The following NMT2 variants were observed in gnomAD, a reference collection of about 807,000 sequenced individuals.
The protein encoded by NMT2 is glycylpeptide N-tetradecanoyltransferase 2.
NMT2 carries 35 observed loss-of-function variants against 65.4 expected under a neutral mutation model. The observed-to-expected ratio is 0.54, with a 90% confidence interval of 0.41 to 0.71. The LOEUF is 0.71. NMT2 is among the 30% of genes least tolerant of loss of function. NMT2 has a pLI of 0.00. For synonymous variants in NMT2, 226 were observed against 231.8 expected (o/e 0.98, Z 0.23); for missense variants, 489 against 611.3 (o/e 0.80, Z 2.11).
At chr10:15,156,423 C>T (rs1833000648) in intron 1 of NMT2, among the ~76,000 whole-genome samples, 2 of 152,220 alleles carry the variant, frequency 1.3e-5, no homozygotes, top group African/African-American at 4.8e-5. Context: ...AATTAAACCT[C>T]TTCCTTTAAA....
chr10:15,139,519 C>T (rs1846653329), intron 2 of NMT2, among the ~76,000 whole-genome samples: 1 of 151,956 alleles, frequency 6.6e-6, no homozygotes, highest in African/African-American at 2.4e-5. Context: ...AGGGATGCCA[C>T]GTTTATCTGA....
chr10:15,137,191 G>T (rs10796258), intron 2 of NMT2, among the ~76,000 whole-genome samples: 57,832 of 151,856 alleles, frequency 0.38, 14,017 homozygotes, highest in African/African-American at 0.7. Context: ...CTTACTCATC[G>T]TACACAGCAC....
chr10:15,156,318 C>G (rs1161086443), intron 1 of NMT2, among the ~76,000 whole-genome samples: 1 of 152,150 alleles, frequency 6.6e-6, no homozygotes, highest in Admixed American at 6.5e-5. Flanking sequence ...ATTCTTCTCT[C>G]TCCTGCCACC....
At chr10:15,161,097 A>C (rs1833177139) in intron 1 of NMT2, among the ~76,000 whole-genome samples, 1 of 149,596 alleles carries the variant, frequency 6.7e-6, no homozygotes, top group African/African-American at 2.4e-5. Context: ...AAAAAAAAAA[A>C]AAAAAAAAAA....
At chr10:15,120,629 C>T (rs1564564206) in intron 8 of NMT2, among the ~76,000 whole-genome samples, 1 of 152,150 alleles carries the variant, frequency 6.6e-6, no homozygotes, top group Non-Finnish European at 1.5e-5. Flanking sequence ...CCAAGTCTGA[C>T]ATTTTGAAAA....
chr10:15,168,550 C>T lies in NMT2; in HGVS notation c.63G>A (p.Thr21=), dbSNP rs1273254012. 1.3e-6 allele frequency: 2 copies of T among 1,594,930 alleles called. No individual in the cohort carries two copies. The highest frequency in any genetic ancestry group is 1.7e-4 in the Middle Eastern group (1 of 6,004). The change falls in exon 1 of 12, where the codon ACG becomes ACA. Residue 21 remains threonine (T), a synonymous_variant. Coordinates refer to ENST00000378165, the MANE Select transcript of NMT2 (RefSeq NM_004808.3). ...QQSLELDDQD[T]CGIDGDNEEE... ...CCTCATTGTCCCCGTCTATCCCGCA[C>T]GTGTCCTGGTCGTCCAGTTCCAGGC...
In NMT2 at chr10:15,132,785, T is replaced by C. The variant is rs202089424; in HGVS notation, c.719+32A>G. The stretch of plus-strand genomic sequence containing the variant: ...TTGTAATTCTTAGAAAATAAACATA[T>C]AAAAACCGCATGGACGAGCTTAAAC... On this transcript the variant is annotated intron_variant, in intron 6 of 11. Coordinates refer to ENST00000378165, the MANE Select transcript of NMT2 (RefSeq NM_004808.3). 112 of 1,461,770 alleles carry C rather than the reference T, an allele frequency of 7.7e-5. No homozygotes were observed. In the Middle Eastern group the frequency reaches 8.8e-4, roughly 12 times the overall value. 90.5% of individuals were successfully genotyped at this position (1,461,770 alleles called of 1,614,324 possible).
At chr10:15,111,671 A>G (rs1445954867) in intron 10 of NMT2, 1 of 151,906 alleles carries the variant, frequency 6.6e-6, no homozygotes, top group Non-Finnish European at 1.5e-5. Flanking sequence ...AGCACTTTTT[A>G]TTTTTATTTC....
At chr10:15,126,542 C>T (rs970644346) in intron 8 of NMT2, among the ~76,000 whole-genome samples, 1 of 152,196 alleles carries the variant, frequency 6.6e-6, no homozygotes, top group Admixed American at 6.5e-5. Flanking sequence ...GACTCTCTCT[C>T]TCACTGGCTT....
At chr10:15,131,667 T>C (rs1238283651) in intron 6 of NMT2, among the ~76,000 whole-genome samples, 1 of 152,162 alleles carries the variant, frequency 6.6e-6, no homozygotes, top group African/African-American at 2.4e-5. Context: ...CACACTTCAT[T>C]TGGCACAAAA....
intron 10 of NMT2, among the ~76,000 whole-genome samples, chr10:15,111,043 T>G (rs1845495561): frequency 6.6e-6 from 1 of 151,934 alleles, no homozygotes. Context: ...CCACCTGCCT[T>G]GGCCTTCCAA....
At chr10:15,167,191 AAT>A (rs1010135247) in intron 1 of NMT2, among the ~76,000 whole-genome samples, 9 of 146,078 alleles carry the variant, frequency 6.2e-5, no homozygotes, top group Non-Finnish European at 4.5e-5. Flanking sequence ...TAAAAAAAAA[AAT>A]ATTCTAGACT....
intron 1 of NMT2, among the ~76,000 whole-genome samples, chr10:15,150,461 C>G (rs1832763450): frequency 1.3e-5 from 2 of 152,174 alleles, no homozygotes; most frequent in Admixed American, 1.3e-4. Flanking sequence ...TAGCTGTCAT[C>G]ATCTGGCTGC....
intron 1 of NMT2, 107 bp downstream of exon 1, chr10:15,168,396 G>T: frequency 2.5e-6 from 2 of 796,872 alleles, no homozygotes; most frequent in Non-Finnish European, 4.0e-6. Context: ...ATCGCGGGGC[G>T]GAGCGGCCGA....
chr10:15,106,680 A>T lies in NMT2; in HGVS notation c.*2515T>A. 1 of 984,738 alleles carries T rather than the reference A, an allele frequency of 1.0e-6. No individual in the cohort carries two copies. The highest frequency in any genetic ancestry group is 1.2e-6 in the Non-Finnish European group (1 of 829,280). 61.0% of individuals were successfully genotyped at this position (984,738 alleles called of 1,614,324 possible). ...GGAGAGTTCCAACTCCTTCGTAGTG[A>T]CCAAGGTCAACAAACTTTCTGTAAA... On this transcript the variant is annotated 3_prime_UTR_variant, in exon 12 of 12. Transcript: ENST00000378165.
chr10:15,134,336 G>A (rs918933632), intron 3 of NMT2, among the ~76,000 whole-genome samples: 5 of 152,262 alleles, frequency 3.3e-5, no homozygotes, highest in Admixed American at 1.3e-4. Context: ...TGCTCCCAGT[G>A]CTCTGGCCAT....
chr10:15,132,166 C>T (rs2131544915), intron 6 of NMT2, among the ~76,000 whole-genome samples: 1 of 152,124 alleles, frequency 6.6e-6, no homozygotes, highest in East Asian at 1.9e-4. Context: ...TGTGCCTGGC[C>T]AAGGCTTCGT....
At chr10:15,146,024 T>G (rs976267792) in intron 1 of NMT2, among the ~76,000 whole-genome samples, 1 of 152,202 alleles carries the variant, frequency 6.6e-6, no homozygotes, top group Non-Finnish European at 1.5e-5. Flanking sequence ...CAAGGCTGAT[T>G]ACCAAGTCAT....
chr10:15,128,491 G>T lies in NMT2; in HGVS notation c.891-33C>A. On this transcript the variant is annotated intron_variant, in intron 7 of 11. Transcript: ENST00000378165. ...ACAATAAAGGTTTTAAAATCAAATTGATTTCTAACTCTACAAGTTTTCACT... is the reference window on the plus strand; with the variant it reads ...ACAATAAAGGTTTTAAAATCAAATTTATTTCTAACTCTACAAGTTTTCACT... The T allele has an allele frequency of 3.1e-6, 4 of 1,289,628 alleles. No individual in the cohort carries two copies. In the South Asian group the frequency reaches 3.7e-5, roughly 12 times the overall value. The allele number at this position is 1,289,628 out of a possible 1,614,324, so 79.9% of individuals were successfully genotyped here.
Sources: gnomAD v4.1 joint callset for allele counts (sites outside exome capture counted in the v4.1 genomes callset) on GRCh38, gnomAD v4.1.1 for gene constraint, MANE v1.5 for transcripts, NCBI Gene and HGNC (gene_info 2026-07-23, HGNC 2026-07-21) for gene names.